The following EPN1 variants were observed in gnomAD, a reference collection of about 807,000 sequenced individuals.
EPN1 encodes epsin-1.
A neutral mutation model predicts 56.9 loss-of-function variants in EPN1; 25 were observed. The ratio of observed to expected loss-of-function variants is 0.44; its 90% CI spans 0.32 to 0.61. The LOEUF (loss-of-function observed/expected upper bound fraction) is 0.61. Among genes scored for constraint, EPN1 ranks in the 20% least tolerant of loss-of-function variants. The pLI is 0.05. For synonymous variants in EPN1, 411 were observed against 361.8 expected (o/e 1.14, Z -1.54); for missense variants, 785 against 823.7 (o/e 0.95, Z 0.58).
At chr19:55,681,367 C>T (rs1184766223) in intron 2 of EPN1, among the ~76,000 whole-genome samples, 1 of 152,190 alleles carries the variant, frequency 6.6e-6, no homozygotes, top group Non-Finnish European at 1.5e-5. Context: ...AGCTCTACCT[C>T]GCAGGAGGTG....
At chr19:55,683,744 A>G (rs933871682) in intron 2 of EPN1, among the ~76,000 whole-genome samples, 1 of 152,230 alleles carries the variant, frequency 6.6e-6, no homozygotes, top group Non-Finnish European at 1.5e-5. Flanking sequence ...GGGTATTCGC[A>G]CTATTTCCTG....
chr19:55,677,694 G>T (rs1328576778), intron 1 of EPN1: 1 of 1,550,146 alleles, frequency 6.5e-7, no homozygotes, highest in African/African-American at 1.4e-5. Flanking sequence ...TCCTTGGGAC[G>T]TCTGGTCTTC....
In EPN1 at chr19:55,693,029, G is replaced by A. The variant is rs1395650971; in HGVS notation, c.1256G>A (p.Ser419Asn). 1.2e-6 allele frequency: 2 copies of A among 1,612,888 alleles called. No homozygotes were observed. The highest frequency in any genetic ancestry group is 4.5e-5 in the East Asian group (2 of 44,860). The change falls in exon 9 of 11, where the codon AGC (serine) becomes AAC (asparagine). Residue 419 changes from serine to asparagine, a missense_variant. Physicochemically the swap from Ser to Asn is conservative, Grantham distance 46. Transcript: ENST00000270460. ...RLRTALPTSG[S>N]SAGELELLAG... ...CGCACGGCACTGCCGACCTCCGGGA[G>A]CAGCGCAGGTGAGCCCCTGCCCTCC...
rs61736521 is a variant in EPN1 at position 55,694,945 on chromosome 19, C to T, written c.1484C>T (p.Pro495Leu). The T allele has an allele frequency of 0.028, 44,408 of 1,559,268 alleles. 774 individuals carry two copies. Among genetic ancestry groups the T allele is most frequent in the Non-Finnish European group, 0.034 (39,651 of 1,152,582 alleles). ...CTGGTGAGCCGGCCGGGCCCCACGC[C>T]GCCTGGAGCCAAGGCCTCCAACCCC... ...DSLVSRPGPT[P>L]PGAKASNPFL... Residue 495 changes from proline (P) to leucine (L), a missense_variant, in exon 10 of 11, where the codon CCG becomes CTG. Pro to Leu is a moderately conservative substitution (Grantham distance 98). Transcript: ENST00000270460. The surrounding 1 kb of genome is among the most constrained non-coding windows in gnomAD (Gnocchi z 4.2).
Position 55,692,001 on chromosome 19 carries a change from C to A in EPN1, c.1010C>A (p.Thr337Asn). The A allele has an allele frequency of 6.7e-7, 1 of 1,482,234 alleles. No individual in the cohort carries two copies. The highest frequency in any genetic ancestry group is 8.9e-7 in the Non-Finnish European group (1 of 1,123,874). The allele number at this position is 1,482,234 out of a possible 1,614,324, so 91.8% of individuals were successfully genotyped here. The change falls in exon 7 of 11, where the codon ACC becomes AAC. Residue 337 changes from threonine (T) to asparagine (N), a missense_variant. By Grantham distance (65) the Thr-to-Asn change is moderately conservative. Transcript: ENST00000270460. Reference sequence around the variant, plus strand: ...CCCTCAGTTGACCCTTGGGGTGGGACCCCAGCCCCTGCAGCTGGGGAGGGG... The same window carrying A: ...CCCTCAGTTGACCCTTGGGGTGGGAACCCAGCCCCTGCAGCTGGGGAGGGG... ...AGPSVDPWGG[T>N]PAPAAGEGPT...
rs1987462637 is a variant in EPN1 at position 55,707,175 on chromosome 19, G to A, written c.*11819G>A. 1 of 149,472 alleles carries A rather than the reference G, an allele frequency of 6.7e-6. No individual in the cohort carries two copies. The highest frequency in any genetic ancestry group is 1.5e-5 in the Non-Finnish European group (1 of 67,644). The allele number at this position is 149,472 out of a possible 1,614,324, so 9.3% of individuals were successfully genotyped here. ...CAGCCTGGGCGAGCAACAGAGTGAG[G>A]CTGTCTCTCAAAAAAAAAAAAAAAG... is the stretch of plus-strand genomic sequence containing the variant. On this transcript the variant is annotated 3_prime_UTR_variant, in exon 11 of 11. Coordinates refer to ENST00000270460, the MANE Select transcript of EPN1 (RefSeq NM_001130072.2).
rs935171451 is a variant in EPN1, at chr19:55,692,007, C to T, written c.1016C>T (p.Ala339Val). 4 of 1,478,464 alleles carry T rather than the reference C, an allele frequency of 2.7e-6. No homozygotes were observed. Among genetic ancestry groups the T allele is most frequent in the Non-Finnish European group, 1.8e-6 (2 of 1,122,262 alleles). The allele number at this position is 1,478,464 out of a possible 1,614,324, so 91.6% of individuals were successfully genotyped here. The change falls in exon 7 of 11, where the codon GCC becomes GTC. Residue 339 changes from alanine to valine, a missense_variant. Physicochemically the swap from Ala to Val is moderately conservative, Grantham distance 64. Transcript: ENST00000270460. ...GTTGACCCTTGGGGTGGGACCCCAG[C>T]CCCTGCAGCTGGGGAGGGGCCCACG... The part of the protein sequence containing the change: ...PSVDPWGGTP[A>V]PAAGEGPTPD...
chr19:55,690,545 G>C (rs1986473965), intron 6 of EPN1, among the ~76,000 whole-genome samples: 1 of 152,196 alleles, frequency 6.6e-6, no homozygotes, highest in Admixed American at 6.5e-5. Flanking sequence ...CATGCCTCTG[G>C]GCCCGGGGTG....
rs1555793051 is a variant in EPN1 at position 55,706,146 on chromosome 19, T to TTCTTCC, written c.*10792_*10793insTTCCTC. 1.6e-5 allele frequency: 3 copies of TTCTTCC among 189,906 alleles called. No individual in the cohort carries two copies. The highest frequency in any genetic ancestry group is 3.3e-5 in the Non-Finnish European group (3 of 90,770). 11.8% of individuals were successfully genotyped at this position (189,906 alleles called of 1,614,324 possible). A position where few individuals can be genotyped will look rare whatever the true frequency, so the allele number is the denominator to read the frequency against. On this transcript the variant is annotated 3_prime_UTR_variant, in exon 11 of 11. Transcript: ENST00000270460. The stretch of plus-strand genomic sequence containing the variant: ...GAGACTGGAGAACTTTGATTTCTTC[T>TTCTTCC]TCCTCCTCCTCCTCTCTTTTCTTCT...
At chr19:55,679,651 G>A (rs907102652) in intron 2 of EPN1, among the ~76,000 whole-genome samples, 1 of 152,218 alleles carries the variant, frequency 6.6e-6, no homozygotes, top group African/African-American at 2.4e-5. Flanking sequence ...TGATCTTTGA[G>A]ACTTCTGCCT....
At chr19:55,693,851 T>C (rs1438543511) in intron 9 of EPN1, among the ~76,000 whole-genome samples, 3 of 152,208 alleles carry the variant, frequency 2.0e-5, no homozygotes, top group Non-Finnish European at 4.4e-5. Context: ...TTTCCTTCTT[T>C]TAGGCCCTTT....
chr19:55,693,942 G>T (rs909692830), intron 9 of EPN1, among the ~76,000 whole-genome samples: 2 of 152,106 alleles, frequency 1.3e-5, no homozygotes, highest in East Asian at 3.9e-4. Context: ...CAGGCCAGGC[G>T]CAATGGCTCA....
At chr19:55,686,334 C>T (rs969015778) in intron 3 of EPN1, among the ~76,000 whole-genome samples, 8 of 152,216 alleles carry the variant, frequency 5.3e-5, no homozygotes, top group East Asian at 1.9e-4. Flanking sequence ...GCTAGTCCGG[C>T]TGCTCAGGAC....
Position 55,689,453 on chromosome 19 carries a change from A to C in EPN1, c.678+82A>C. On this transcript the variant is annotated intron_variant, in intron 5 of 10. Transcript: ENST00000270460. The surrounding 1 kb of genome is among the most constrained non-coding windows in gnomAD (Gnocchi z 5.7). ...GTCGCCCCTTCCTAAGTCACCCCCC[A>C]CCATCCTGCTGGGCCCGAAGCCCAC... 2.8e-6 allele frequency: 3 copies of C among 1,070,778 alleles called. No individual in the cohort carries two copies. Among genetic ancestry groups the C allele is most frequent in the Non-Finnish European group, 4.2e-6 (3 of 716,538 alleles). The allele number at this position is 1,070,778 out of a possible 1,614,324, so 66.3% of individuals were successfully genotyped here.
intron 2 of EPN1, chr19:55,680,694 G>T (rs1020806066): frequency 2.0e-5 from 3 of 152,482 alleles, no homozygotes; most frequent in Non-Finnish European, 2.9e-5. Flanking sequence ...GGTCCAGGAG[G>T]GGGTCCCTGG....
At chr19:55,683,968 G>C (rs1175450853) in intron 2 of EPN1, among the ~76,000 whole-genome samples, 2 of 152,182 alleles carry the variant, frequency 1.3e-5, no homozygotes, top group African/African-American at 4.8e-5. Flanking sequence ...CTGAACTCAG[G>C]AAAATTCTGA....
At position 55,703,806 on chromosome 19, in the gene EPN1, T is replaced by G. The variant is rs1987260777; in HGVS notation, c.*8450T>G. ...TTGCCAATTTTTGATGGATTTAAGT[T>G]TAAGCACCTGCGTGTGAGCGGCTAC... On this transcript the variant is annotated 3_prime_UTR_variant, in exon 11 of 11. Coordinates refer to ENST00000270460, the MANE Select transcript of EPN1 (RefSeq NM_001130072.2). 6.6e-6 allele frequency: 1 copy of G among 152,222 alleles called. No homozygotes were observed. The highest frequency in any genetic ancestry group is 1.5e-5 in the Non-Finnish European group (1 of 68,028). The allele number at this position is 152,222 out of a possible 1,614,324, so 9.4% of individuals were successfully genotyped here.
chr19:55,700,970 A>G lies in EPN1; in HGVS notation c.*5614A>G, dbSNP rs1312791299. ...GAGGCAAGCTTAGGGCATCACGTCC[A>G]GGAGTGGCCAGGTCCCGATGTCACG... On this transcript the variant is annotated 3_prime_UTR_variant, in exon 11 of 11. Transcript: ENST00000270460. The G allele has an allele frequency of 6.6e-6, 1 of 152,274 alleles. No homozygotes were observed. The highest frequency in any genetic ancestry group is 1.5e-5 in the Non-Finnish European group (1 of 68,110). 9.4% of individuals were successfully genotyped at this position (152,274 alleles called of 1,614,324 possible). A position where few individuals can be genotyped will look rare whatever the true frequency, so the allele number is the denominator to read the frequency against.
rs370785243 is a variant in EPN1 at position 55,692,737 on chromosome 19, C to A, written c.1118C>A (p.Pro373Gln). 51 of 1,575,616 alleles carry A rather than the reference C, an allele frequency of 3.2e-5. No individual in the cohort carries two copies. Among genetic ancestry groups the A allele is most frequent in the Non-Finnish European group, 4.3e-5 (50 of 1,161,214 alleles). Residue 373 changes from proline (P) to glutamine (Q), a missense_variant, in exon 8 of 11, where the codon CCG (proline) becomes CAG (glutamine). This residue lies in a region of EPN1 where 650 missense variants were observed against 605.0 expected (regional missense o/e 1.07). Transcript: ENST00000270460. ...PSASDPWTPA[P>Q]AFSDPWGGSP... The stretch of plus-strand genomic sequence containing the variant: ...GCCTCCGATCCCTGGACACCGGCCC[C>A]GGCCTTCTCAGATCCCTGGGGAGGG...
Sources: gnomAD v4.1 joint callset for allele counts (sites outside exome capture counted in the v4.1 genomes callset) on GRCh38, gnomAD v4.1.1 for gene constraint, gnomAD v4.1.1 regional missense constraint, Gnocchi (gnomAD v3.1) non-coding constraint, MANE v1.5 for transcripts, NCBI Gene and HGNC (gene_info 2026-07-23, HGNC 2026-07-21) for gene names.